The following PMM2 variants were observed in gnomAD, a reference collection of about 807,000 sequenced individuals.
The protein encoded by PMM2 is mannose-6-phosphate isomerase.
A neutral mutation model predicts 33.2 loss-of-function variants in PMM2; 35 were observed. The observed-to-expected ratio is 1.06, with a 90% CI of 0.81 to 1.40. The LOEUF (loss-of-function observed/expected upper bound fraction) is 1.40. Ranked by LOEUF, PMM2 falls within the 40% of genes most tolerant of loss-of-function variation. PMM2 has a pLI of 0.00. For missense variants in PMM2, 386 were observed against 306.0 expected (o/e 1.26, Z -1.95); for synonymous variants, 153 against 114.7 (o/e 1.33, Z -2.13).
chr16:8,801,766 T>G (rs1278332824), intron 1 of PMM2, 33 bp from the exon 2 acceptor site: 4 of 1,304,800 alleles, frequency 3.1e-6, no homozygotes, highest in Non-Finnish European at 4.4e-6. Context: ...TTGTGTGGCT[T>G]ATGACTGTTG....
At chr16:8,800,747 G>A (rs965527881) in intron 1 of PMM2, among the ~76,000 whole-genome samples, 4 of 151,042 alleles carry the variant, frequency 2.6e-5, no homozygotes, top group African/African-American at 9.7e-5. Flanking sequence ...GCAGTGGCAC[G>A]ATCTTGGCTC....
At chr16:8,822,323 T>C (rs2060743339) in intron 7 of PMM2, among the ~76,000 whole-genome samples, 1 of 152,182 alleles carries the variant, frequency 6.6e-6, no homozygotes, top group Admixed American at 6.5e-5. Flanking sequence ...TCAGGCACAA[T>C]CTTAGGTTTT....
chr16:8,841,379 TCTA>T (rs1363122922), intron 7 of PMM2, among the ~76,000 whole-genome samples: 1 of 151,054 alleles, frequency 6.6e-6, no homozygotes, highest in African/African-American at 2.4e-5. Flanking sequence ...AGTGAAAGTG[TCTA>T]CTTAGACTAA....
intron 7 of PMM2, among the ~76,000 whole-genome samples, chr16:8,816,477 A>G (rs1225042999): frequency 6.6e-6 from 1 of 151,852 alleles, no homozygotes; most frequent in Non-Finnish European, 1.5e-5. Context: ...GCGGTGGCTC[A>G]CACCTATAAT....
chr16:8,827,637 C>T (rs1011405056), intron 7 of PMM2, among the ~76,000 whole-genome samples: 1 of 144,346 alleles, frequency 6.9e-6, no homozygotes, highest in African/African-American at 2.6e-5. Context: ...CTCAAGTGAT[C>T]CCCCTGCCTC....
At chr16:8,812,242 C>A (rs1454225504) in intron 6 of PMM2, among the ~76,000 whole-genome samples, 1 of 152,194 alleles carries the variant, frequency 6.6e-6, no homozygotes, top group Non-Finnish European at 1.5e-5. Context: ...GTTTACACAG[C>A]CAGTGTGTGA....
chr16:8,833,799 C>T (rs1412077112), intron 7 of PMM2, among the ~76,000 whole-genome samples: 4 of 152,080 alleles, frequency 2.6e-5, no homozygotes, highest in Non-Finnish European at 5.9e-5. Flanking sequence ...ATTGGGAGGA[C>T]CTATGACATC....
At chr16:8,812,294 ACATCTC>A (rs2060682366) in intron 6 of PMM2, among the ~76,000 whole-genome samples, 1 of 152,212 alleles carries the variant, frequency 6.6e-6, no homozygotes, top group Admixed American at 6.5e-5. Flanking sequence ...TGCAGCACGG[ACATCTC>A]AGGCTTGTCT....
chr16:8,800,790 T>C, intron 1 of PMM2, among the ~76,000 whole-genome samples: 1 of 152,144 alleles, frequency 6.6e-6, no homozygotes, highest in Non-Finnish European at 1.5e-5. Flanking sequence ...TTCAAGTGAT[T>C]CTCCTGCCTC....
intron 1 of PMM2, among the ~76,000 whole-genome samples, chr16:8,801,315 T>A (rs901551264): frequency 6.6e-6 from 1 of 152,226 alleles, no homozygotes; most frequent in Non-Finnish European, 1.5e-5. Context: ...CTGGTAAAGA[T>A]GCCCCCCCAG....
intron 1 of PMM2, among the ~76,000 whole-genome samples, chr16:8,798,617 G>A (rs1242836952): frequency 3.9e-5 from 6 of 152,218 alleles, no homozygotes. Flanking sequence ...AGGAGCCCTA[G>A]GTTATTACAG....
intron 7 of PMM2, among the ~76,000 whole-genome samples, chr16:8,833,755 G>C (rs1567166783): frequency 1.3e-5 from 2 of 152,016 alleles, no homozygotes; most frequent in African/African-American, 4.8e-5. Context: ...AATGGAATAA[G>C]AGAAGGAGAA....
chr16:8,817,306 C>T (rs778342988), intron 7 of PMM2, among the ~76,000 whole-genome samples: 20 of 152,266 alleles, frequency 1.3e-4, no homozygotes, highest in African/African-American at 3.9e-4. Context: ...AAAAGATCAC[C>T]GTCTGACTTC....
chr16:8,802,600 G>A (rs1038714473), intron 2 of PMM2, among the ~76,000 whole-genome samples: 16 of 152,040 alleles, frequency 1.1e-4, no homozygotes, highest in African/African-American at 3.4e-4. Flanking sequence ...AGGCCGAGGC[G>A]GATGGATCAC....
At chr16:8,830,330 A>T (rs1013286023) in intron 7 of PMM2, among the ~76,000 whole-genome samples, 6 of 152,190 alleles carry the variant, frequency 3.9e-5, no homozygotes, top group Non-Finnish European at 5.9e-5. Flanking sequence ...TAGACAGCCA[A>T]TTTATCAAGA....
chr16:8,820,860 A>G (rs2060735077), intron 7 of PMM2, among the ~76,000 whole-genome samples: 1 of 152,206 alleles, frequency 6.6e-6, no homozygotes, highest in African/African-American at 2.4e-5. Context: ...GAGCCTGCCA[A>G]GTCCCTCAGT....
intron 7 of PMM2, among the ~76,000 whole-genome samples, chr16:8,841,355 G>T (rs1261042929): frequency 1.3e-5 from 2 of 151,236 alleles, no homozygotes; most frequent in Non-Finnish European, 2.9e-5. Flanking sequence ...TGTAGGAAAG[G>T]CCTCTACTTA....
chr16:8,819,209 C>T (rs1245181520), intron 7 of PMM2, among the ~76,000 whole-genome samples: 2 of 152,210 alleles, frequency 1.3e-5, no homozygotes, highest in East Asian at 3.9e-4. Flanking sequence ...AGGCTGGCCA[C>T]ATGACAGTGG....
chr16:8,839,969 A>C (rs1212984417), intron 7 of PMM2, among the ~76,000 whole-genome samples: 1 of 150,498 alleles, frequency 6.6e-6, no homozygotes, highest in African/African-American at 2.4e-5. Flanking sequence ...GGACCTGTCT[A>C]GAAAGTAAAT....
Sources: gnomAD v4.1 joint callset for allele counts (sites outside exome capture counted in the v4.1 genomes callset) on GRCh38, gnomAD v4.1.1 for gene constraint, MANE v1.5 for transcripts, NCBI Gene and HGNC (gene_info 2026-07-23, HGNC 2026-07-21) for gene names.